Variants in RELA observed in about 807,000 individuals in gnomAD.
RELA encodes the protein RELA proto-oncogene, NF-kB subunit.
RELA carries 14 observed loss-of-function variants against 56.7 expected under a neutral mutation model. The ratio of observed to expected loss-of-function variants is 0.25; its 90% CI spans 0.16 to 0.39. RELA has a LOEUF of 0.39. Ranked by LOEUF, RELA falls within the 10% of genes least tolerant of loss-of-function variation. The pLI, the probability that RELA is intolerant of heterozygous loss-of-function variation, is 1.00. For synonymous variants in RELA, 315 were observed against 289.7 expected (o/e 1.09, Z -0.89); for missense variants, 559 against 736.4 (o/e 0.76, Z 2.79).
At chr11:65,657,195 G>C (rs1310276305) in intron 8 of RELA, among the ~76,000 whole-genome samples, 1 of 152,114 alleles carries the variant, frequency 6.6e-6, no homozygotes, top group African/African-American at 2.4e-5. Flanking sequence ...TAAAACCTTG[G>C]GCATTCCAAG....
Position 65,654,306 on chromosome 11 carries a change from A to C in RELA, c.*72T>G, listed in dbSNP as rs182415020. 3.4e-4 allele frequency: 544 copies of C among 1,602,984 alleles called. 1 individual carries two copies. The African/African-American group carries it at 6.7e-3, about 20-fold the overall frequency. ...GGGCAGTTGGAACACACCCCACCAG[A>C]ATCCGTAAGTGCTTTTGGAGGGCTT... On this transcript the variant is annotated 3_prime_UTR_variant, in exon 11 of 11. Coordinates refer to ENST00000406246, the MANE Select transcript of RELA (RefSeq NM_021975.4).
At chr11:65,662,750 A>G (rs1490014829) in intron 1 of RELA, 76 bp downstream of exon 1, 1 of 1,137,870 alleles carries the variant, frequency 8.8e-7, no homozygotes, top group Non-Finnish European at 1.1e-6. Context: ...AAGGGGCGGA[A>G]AGCGGCGCGG....
Position 65,654,452 on chromosome 11 carries a change from G to A in RELA, c.1582C>T (p.Leu528Phe), listed in dbSNP as rs201037601. 123 of 1,609,148 alleles carry A rather than the reference G, an allele frequency of 7.6e-5. No homozygotes were observed. Among genetic ancestry groups the A allele is most frequent in the Non-Finnish European group, 1.0e-4 (121 of 1,178,068 alleles). Residue 528 changes from leucine (L) to phenylalanine (F), a missense_variant, in exon 11 of 11, where the codon CTT (leucine) becomes TTT (phenylalanine). Leu to Phe is a conservative substitution (Grantham distance 22). Transcript: ENST00000406246. ...LGAPGLPNGL[L>F]SGDEDFSSIA... ...GAGGAGAAGTCTTCATCTCCTGAAA[G>A]GAGGCCATTGGGGAGCCCCGGGGCC... is the stretch of plus-strand genomic sequence containing the variant.
chr11:65,661,913 C>T (rs1270925875), intron 3 of RELA, 24 bp downstream of exon 3: 18 of 1,608,836 alleles, frequency 1.1e-5, no homozygotes, highest in South Asian at 2.2e-5. Flanking sequence ...GTCCCTTCCC[C>T]GCACACCCTG....
Position 65,660,172 on chromosome 11 carries a change from C to T in RELA, c.379G>A (p.Glu127Lys), listed in dbSNP as rs1172744425. 6.2e-7 allele frequency: 1 copy of T among 1,614,148 alleles called. No homozygotes were observed. Among genetic ancestry groups the T allele is most frequent in the Non-Finnish European group, 8.5e-7 (1 of 1,180,022 alleles). ...GIQCVKKRDLEQAISQRIQTN... is the reference protein window; with the variant it reads ...GIQCVKKRDLKQAISQRIQTN... ...TGGATGCGCTGACTGATAGCCTGCT[C>T]CAGGTCCCGCTTCTTCACACACTGG... is the stretch of plus-strand genomic sequence containing the variant. The change falls in exon 5 of 11, where the codon GAG (glutamate) becomes AAG (lysine). Residue 127 changes from glutamate to lysine, a missense_variant. Physicochemically the swap from Glu to Lys is moderately conservative, Grantham distance 56. Transcript: ENST00000406246.
intron 8 of RELA, 36 bp from the exon 9 acceptor site, chr11:65,655,971 C>T: frequency 1.5e-5 from 24 of 1,586,854 alleles, no homozygotes; most frequent in Non-Finnish European, 2.1e-5. Flanking sequence ...GACTTGCTCT[C>T]CTCAGGTGGG....
Position 65,658,728 on chromosome 11 carries a change from C to T in RELA, c.654G>A (p.Lys218=). 1 of 1,614,046 alleles carries T rather than the reference C, an allele frequency of 6.2e-7. No homozygotes were observed. Among genetic ancestry groups the T allele is most frequent in the Non-Finnish European group, 8.5e-7 (1 of 1,179,928 alleles). Residue 218 remains lysine (K), a synonymous_variant, in exon 7 of 11, where the codon AAG becomes AAA. Coordinates refer to ENST00000406246, the MANE Select transcript of RELA (RefSeq NM_021975.4). The surrounding 1 kb of genome is among the most constrained non-coding windows in gnomAD (Gnocchi z 4.5). ...GGDEIFLLCD[K]VQKEDIEVYF... is the part of the protein sequence containing the mutation. ...CCTCCTGATGTATACCTTTCTGCAC[C>T]TTGTCACACAGTAGGAAGATCTCAT... is the stretch of plus-strand genomic sequence containing the variant.
chr11:65,654,237 T>G lies in RELA; in HGVS notation c.*141A>C, dbSNP rs1281548905. 3.0e-6 allele frequency: 3 copies of G among 1,014,834 alleles called. No homozygotes were observed. The Admixed American group carries it at 5.9e-5, about 20-fold the overall frequency. The allele number at this position is 1,014,834 out of a possible 1,614,324, so 62.9% of individuals were successfully genotyped here. A position where few individuals can be genotyped will look rare whatever the true frequency, so the allele number is the denominator to read the frequency against. On this transcript the variant is annotated 3_prime_UTR_variant, in exon 11 of 11. Coordinates refer to ENST00000406246, the MANE Select transcript of RELA (RefSeq NM_021975.4). ...GATACAGATACTGACAATAAAAGAATAAAATATGGCTCCCCCCTCCAAGGA... is the reference window on the plus strand; with the variant it reads ...GATACAGATACTGACAATAAAAGAAGAAAATATGGCTCCCCCCTCCAAGGA...
rs767319473 is a variant in RELA at position 65,654,435 on chromosome 11, G to T, written c.1599C>A (p.Asp533Glu). 10 of 1,611,226 alleles carry T rather than the reference G, an allele frequency of 6.2e-6. No individual in the cohort carries two copies. The highest frequency in any genetic ancestry group is 7.6e-6 in the Non-Finnish European group (9 of 1,178,914). ...AGTCCATGTCCGCAATGGAGGAGAA[G>T]TCTTCATCTCCTGAAAGGAGGCCAT... ...LPNGLLSGDE[D>E]FSSIADMDFS... Residue 533 changes from aspartate (D) to glutamate (E), a missense_variant, in exon 11 of 11, where the codon GAC becomes GAA. Physicochemically the swap from Asp to Glu is conservative, Grantham distance 45. Coordinates refer to ENST00000406246, the MANE Select transcript of RELA (RefSeq NM_021975.4).
At chr11:65,659,824 A>T in intron 5 of RELA, 27 bp from the exon 6 acceptor site, 1 of 1,595,268 alleles carries the variant, frequency 6.3e-7, no homozygotes, top group South Asian at 1.1e-5. Flanking sequence ...CGATCAGGAG[A>T]GCAGGGGAAG....
In RELA at chr11:65,662,432, G is replaced by A. The variant is rs114782838; in HGVS notation, c.8-227C>T. ...AATCCTTCTTCTCCAGAGGGAAGCT[G>A]AATCAGGGCCTGTTGTACTTTCTTA... On this transcript the variant is annotated intron_variant, in intron 1 of 10. Transcript: ENST00000406246. 1,336 of 539,470 alleles carry A rather than the reference G, an allele frequency of 2.5e-3. 9 individuals carry two copies. The highest frequency in any genetic ancestry group is 0.023 in the African/African-American group (1,164 of 50,970). 33.4% of individuals were successfully genotyped at this position (539,470 alleles called of 1,614,324 possible).
intron 10 of RELA, chr11:65,655,383 G>A (rs1856397248): frequency 6.8e-6 from 4 of 584,308 alleles, no homozygotes; most frequent in Admixed American, 3.1e-5. Context: ...GCCTCGCACA[G>A]GCACACACAT....
chr11:65,661,200 T>G (rs2135569671), intron 4 of RELA, among the ~76,000 whole-genome samples: 1 of 152,278 alleles, frequency 6.6e-6, no homozygotes, highest in Middle Eastern at 3.4e-3. Flanking sequence ...GCTAATTTCT[T>G]ATTTTTTGTA....
At chr11:65,659,917 A>G in intron 5 of RELA, 120 bp from the exon 6 acceptor site, 1 of 1,358,810 alleles carries the variant, frequency 7.4e-7, no homozygotes, top group Non-Finnish European at 1.0e-6. Context: ...CAAGTCCTAG[A>G]GGAGGCAGAA....
Position 65,662,900 on chromosome 11 carries a change from T to A in RELA, c.-68A>T. 8.6e-7 allele frequency: 1 copy of A among 1,161,296 alleles called. No individual in the cohort carries two copies. Among genetic ancestry groups the A allele is most frequent in the Non-Finnish European group, 1.1e-6 (1 of 937,552 alleles). 71.9% of individuals were successfully genotyped at this position (1,161,296 alleles called of 1,614,324 possible). On this transcript the variant is annotated 5_prime_UTR_variant, in exon 1 of 11. Coordinates refer to ENST00000406246, the MANE Select transcript of RELA (RefSeq NM_021975.4). The stretch of plus-strand genomic sequence containing the variant: ...GCGGCGTGCACTACAGACGAGCCAT[T>A]CGCCAGAGGCGGAAATGCGCCGCGC...
rs573293428 is a variant in RELA at position 65,653,642 on chromosome 11, A to T, written c.*736T>A. On this transcript the variant is annotated 3_prime_UTR_variant, in exon 11 of 11. Coordinates refer to ENST00000406246, the MANE Select transcript of RELA (RefSeq NM_021975.4). ...TTTATTAGTTCAGAGTAGAAAGAGC[A>T]AGAGTCCAAGTGCTTTGATTGTTCA... 2.0e-5 allele frequency: 3 copies of T among 152,622 alleles called. No individual in the cohort carries two copies. The East Asian group carries it at 5.8e-4, about 29-fold the overall frequency. The allele number at this position is 152,622 out of a possible 1,614,324, so 9.5% of individuals were successfully genotyped here. A position where few individuals can be genotyped will look rare whatever the true frequency, so the allele number is the denominator to read the frequency against.
rs538943839 is a variant in RELA at position 65,658,241 on chromosome 11, C to T, written c.877+46G>A. The T allele has an allele frequency of 2.1e-5, 30 of 1,434,214 alleles. No homozygotes were observed. Among genetic ancestry groups the T allele is most frequent in the Middle Eastern group, 2.5e-4 (1 of 4,078 alleles). 88.8% of individuals were successfully genotyped at this position (1,434,214 alleles called of 1,614,324 possible). On this transcript the variant is annotated intron_variant, in intron 8 of 10. Transcript: ENST00000406246. This position sits in a 1 kb window ranked among gnomAD's most constrained non-coding sequence, Gnocchi z 4.5. ...ACATGCAGTCTTGGCCTCTCTCTCA[C>T]GGCACAGAGCCCAGCTGCCCTGATG...
intron 6 of RELA, among the ~76,000 whole-genome samples, chr11:65,659,439 ACT>A (rs1426095943): frequency 1.3e-5 from 2 of 151,960 alleles, no homozygotes; most frequent in Non-Finnish European, 2.9e-5. Flanking sequence ...CTCCCATCAG[ACT>A]CTCTGCTAGA....
In RELA at chr11:65,662,169, G is replaced by A; in HGVS notation, c.34+10C>T. ...GGAGCACCTCCCCGACCGCCGCGGG[G>A]GCCACTTACCTGCCGGGAAGATGAG... On this transcript the variant is annotated intron_variant, in intron 2 of 10. Transcript: ENST00000406246. 6.3e-7 allele frequency: 1 copy of A among 1,590,396 alleles called. No homozygotes were observed. Among genetic ancestry groups the A allele is most frequent in the South Asian group, 1.1e-5 (1 of 88,468 alleles).
Sources: allele counts gnomAD v4.1 joint callset (sites outside exome capture counted in the v4.1 genomes callset), GRCh38; gene constraint gnomAD v4.1.1; non-coding constraint Gnocchi (gnomAD v3.1); transcripts MANE v1.5; gene names NCBI Gene and HGNC (gene_info 2026-07-23, HGNC 2026-07-21).